Variants in LINGO2 observed in about 807,000 individuals in gnomAD.
The protein encoded by LINGO2 is leucine-rich repeat and immunoglobulin-like domain-containing nogo receptor-interacting protein 2.
LINGO2 carries 14 observed loss-of-function variants against 30.6 expected under a neutral mutation model. The observed-to-expected ratio is 0.46, with a 90% confidence interval of 0.30 to 0.72. LINGO2 has a LOEUF of 0.72. Ranked by LOEUF, LINGO2 falls within the 30% of genes least tolerant of loss-of-function variation. The probability of loss-of-function intolerance (pLI) is 0.07; values close to 1 mark genes in which losing one functional copy is unlikely to be tolerated. For synonymous variants in LINGO2, 317 were observed against 288.5 expected, an observed-to-expected ratio of 1.10 and a Z score of -1.00; for missense variants, 729 against 751.7, an observed-to-expected ratio of 0.97 and a Z score of 0.35.
chr9:29,015,822 C>T, the LINGO2 span, among the ~76,000 whole-genome samples: 3 of 152,198 alleles, frequency 2.0e-5, no homozygotes, highest in African/African-American at 7.2e-5. Flanking sequence ...GAATTTCATA[C>T]ATCTAAAACT....
chr9:29,071,991 C>T, the LINGO2 span, among the ~76,000 whole-genome samples: 55 of 152,004 alleles, frequency 3.6e-4, no homozygotes, highest in Admixed American at 2.5e-3. Context: ...ATTATCCTTG[C>T]AAGTATTAGC....
At chr9:28,808,520 T>C in the LINGO2 span, among the ~76,000 whole-genome samples, 1 of 152,238 alleles carries the variant, frequency 6.6e-6, no homozygotes, top group African/African-American at 2.4e-5. Context: ...GCTCTAGCTT[T>C]ATCCATAGAC....
At chr9:28,511,918 G>C (rs4391523) in intron 1 of LINGO2, among the ~76,000 whole-genome samples, 81,715 of 151,936 alleles carry the variant, frequency 0.54, 22,202 homozygotes, top group South Asian at 0.59. Context: ...CTTTAGGGTG[G>C]TTCCTGCATA....
At chr9:28,105,423 G>A (rs1022663419) in intron 4 of LINGO2, among the ~76,000 whole-genome samples, 2 of 152,040 alleles carry the variant, frequency 1.3e-5, no homozygotes, top group African/African-American at 4.8e-5. Context: ...TTCTACTCTG[G>A]GGAGATAAAT....
chr9:29,180,191 G>A, the LINGO2 span, among the ~76,000 whole-genome samples: 1 of 152,236 alleles, frequency 6.6e-6, no homozygotes, highest in Admixed American at 6.5e-5. Context: ...ACATGACAAT[G>A]GAGAGCAACA....
At chr9:28,689,839 G>C in the LINGO2 span, among the ~76,000 whole-genome samples, 1 of 152,116 alleles carries the variant, frequency 6.6e-6, no homozygotes, top group Non-Finnish European at 1.5e-5. Flanking sequence ...ATCAATGATA[G>C]ACTGGATAAA....
At chr9:28,060,206 A>G (rs76359610) in intron 4 of LINGO2, among the ~76,000 whole-genome samples, 2,307 of 152,280 alleles carry the variant, frequency 0.015, 24 homozygotes, top group Non-Finnish European at 0.025. Context: ...AAAAATTCCA[A>G]TAGCATCTCC....
chr9:28,773,981 C>CT, the LINGO2 span, among the ~76,000 whole-genome samples: 1 of 150,812 alleles, frequency 6.6e-6, no homozygotes, highest in African/African-American at 2.4e-5. Context: ...CAAGGTTAAA[C>CT]TTTTTTGATA....
chr9:29,048,711 GGAGAA>G, the LINGO2 span, among the ~76,000 whole-genome samples: 3 of 152,080 alleles, frequency 2.0e-5, no homozygotes, highest in Admixed American at 6.6e-5. Context: ...GATGTACACT[GGAGAA>G]AAGACAATTT....
intron 1 of LINGO2, among the ~76,000 whole-genome samples, chr9:28,510,617 A>G (rs1367424614): frequency 6.6e-6 from 1 of 151,922 alleles, no homozygotes; most frequent in Non-Finnish European, 1.5e-5. Context: ...TTTTATTGAA[A>G]AAATCCACAT....
At chr9:29,172,292 T>C in the LINGO2 span, among the ~76,000 whole-genome samples, 12 of 151,704 alleles carry the variant, frequency 7.9e-5, no homozygotes, top group South Asian at 2.1e-4. Context: ...TATCCACTTA[T>C]GTTAATATGA....
chr9:28,293,373 C>T lies in LINGO2; in HGVS notation c.-87+1835G>A, dbSNP rs534304084. ...TTGACCTCCCAAAGCACTAAGATTACAGGTGTAAGCCACTGTACCCAGCCA... is the reference window on the plus strand; with the variant it reads ...TTGACCTCCCAAAGCACTAAGATTATAGGTGTAAGCCACTGTACCCAGCCA... On this transcript the variant is annotated intron_variant, in intron 4 of 5. Transcript: ENST00000379992. Among the ~76,000 whole-genome samples, 29 of 152,260 alleles carry T rather than the reference C, an allele frequency of 1.9e-4. 1 individual carries two copies. The highest frequency in any genetic ancestry group is 6.7e-4 in the African/African-American group (28 of 41,572).
chr9:29,020,144 A>AAATG, the LINGO2 span, among the ~76,000 whole-genome samples: 1 of 152,210 alleles, frequency 6.6e-6, no homozygotes, highest in African/African-American at 2.4e-5. Flanking sequence ...TAAAACACTG[A>AAATG]AATGGCTAAC....
At chr9:28,578,374 A>T (rs1038667854) in intron 1 of LINGO2, among the ~76,000 whole-genome samples, 1 of 152,172 alleles carries the variant, frequency 6.6e-6, no homozygotes, top group Admixed American at 6.6e-5. Flanking sequence ...TAGGTAACAG[A>T]TTAAATTTAT....
At chr9:28,418,513 G>A (rs13288841) in intron 2 of LINGO2, among the ~76,000 whole-genome samples, 38,835 of 151,794 alleles carry the variant, frequency 0.26, 5,545 homozygotes, top group Non-Finnish European at 0.32. Context: ...TCCTGATCTC[G>A]TGATCTGCCC....
intron 3 of LINGO2, among the ~76,000 whole-genome samples, chr9:28,336,551 A>C (rs1322397146): frequency 6.6e-6 from 1 of 152,140 alleles, no homozygotes; most frequent in Admixed American, 6.5e-5. Flanking sequence ...TATATTTTAC[A>C]CTTAGATCTA....
chr9:28,104,708 C>A (rs924260467), intron 4 of LINGO2, among the ~76,000 whole-genome samples: 1 of 152,022 alleles, frequency 6.6e-6, no homozygotes, highest in African/African-American at 2.4e-5. Context: ...CATTTCTTCT[C>A]AAATTTGCCA....
intron 1 of LINGO2, among the ~76,000 whole-genome samples, chr9:28,497,309 A>G (rs535677794): frequency 2.8e-4 from 43 of 152,238 alleles, no homozygotes; most frequent in African/African-American, 9.6e-4. Context: ...TCAGACACAG[A>G]TTTGGTCTTT....
At chr9:28,076,662 A>C (rs1041444280) in intron 4 of LINGO2, among the ~76,000 whole-genome samples, 1 of 152,090 alleles carries the variant, frequency 6.6e-6, no homozygotes, top group Non-Finnish European at 1.5e-5. Context: ...TTTGCTGATA[A>C]ATTAAAAAAA....
Sources: allele counts gnomAD v4.1 joint callset (sites outside exome capture counted in the v4.1 genomes callset), GRCh38; gene constraint gnomAD v4.1.1; transcripts MANE v1.5; gene names NCBI Gene and HGNC (gene_info 2026-07-23, HGNC 2026-07-21).